The following ANTXRL variants were observed in gnomAD, a reference collection of about 807,000 sequenced individuals.
The protein encoded by ANTXRL is ANTXR like, also known as anthrax toxin receptor-like.
In ANTXRL, 63 loss-of-function variants were observed where a neutral mutation model predicts 75.4. The observed-to-expected ratio is 0.84, with a 90% CI of 0.68 to 1.03. ANTXRL has a LOEUF of 1.03. ANTXRL is among the 50% of genes least tolerant of loss of function. The pLI, the probability that ANTXRL is intolerant of heterozygous loss-of-function variation, is 0.00. For synonymous variants in ANTXRL, 335 were observed against 291.3 expected (o/e 1.15, Z -1.53); for missense variants, 797 against 789.4 (o/e 1.01, Z -0.12).
At chr10:46,291,365 A>G (rs1282919117) in intron 1 of ANTXRL, among the ~76,000 whole-genome samples, 1 of 146,276 alleles carries the variant, frequency 6.8e-6, no homozygotes, top group African/African-American at 2.5e-5. Flanking sequence ...GGAAATGTGT[A>G]TCCTCAATCT....
chr10:46,325,883 C>A (rs1466493499), intron 16 of ANTXRL, among the ~76,000 whole-genome samples: 6 of 152,036 alleles, frequency 3.9e-5, no homozygotes, highest in Non-Finnish European at 1.5e-5. Context: ...CCATCCATTT[C>A]TTAGCTTCAC....
At chr10:46,308,139 G>T (rs112199687) in intron 12 of ANTXRL, among the ~76,000 whole-genome samples, 4,776 of 152,224 alleles carry the variant, frequency 0.031, 271 homozygotes, top group African/African-American at 0.11. Flanking sequence ...CCACTGCCTT[G>T]TACCCAGTCT....
rs1554964020 is a variant in ANTXRL, at chr10:46,313,333, G to A, written c.1410+17G>A. 1.3e-6 allele frequency: 2 copies of A among 1,534,868 alleles called. No homozygotes were observed. Among genetic ancestry groups the A allele is most frequent in the African/African-American group, 1.4e-5 (1 of 72,988 alleles). Reference sequence around the variant, plus strand: ...AGGGACCAGGTGAGCTAGGGCACAGGGACACAGTTGATGGACAAAAGGCCA... The same window carrying A: ...AGGGACCAGGTGAGCTAGGGCACAGAGACACAGTTGATGGACAAAAGGCCA... On this transcript the variant is annotated intron_variant, in intron 16 of 16. Transcript: ENST00000620264.
chr10:46,310,346 C>G, intron 13 of ANTXRL, 115 bp from the exon 14 acceptor site: 9 of 1,010,922 alleles, frequency 8.9e-6, no homozygotes, highest in Non-Finnish European at 1.3e-5. Flanking sequence ...GAGTGACACC[C>G]CAAAGGCAGT....
At chr10:46,320,939 A>G (rs151033944) in intron 16 of ANTXRL, among the ~76,000 whole-genome samples, 2 of 152,322 alleles carry the variant, frequency 1.3e-5, no homozygotes, top group African/African-American at 2.4e-5. Context: ...GAAGCCAAAT[A>G]TACCTTTTGC....
rs1554958530 is a variant in ANTXRL at position 46,296,057 on chromosome 10, T to C, written c.431T>C (p.Ile144Thr). The C allele has an allele frequency of 6.5e-7, 1 of 1,535,904 alleles. No individual in the cohort carries two copies. Among genetic ancestry groups the C allele is most frequent in the East Asian group, 2.4e-5 (1 of 40,918 alleles). ...AACGGTCTTGACCAACTTCAGAAAA[T>C]TGTGCCTGACGGTCACACATTCATG... The part of the protein sequence containing the change: ...IKNGLDQLQK[I>T]VPDGHTFMQA... The change falls in exon 4 of 17, where the codon ATT (isoleucine) becomes ACT (threonine). Residue 144 changes from isoleucine to threonine, a missense_variant. Ile to Thr is a moderately conservative substitution (Grantham distance 89). This residue lies in a region of ANTXRL where 262 missense variants were observed against 271.9 expected (regional missense o/e 0.96). Transcript: ENST00000620264.
chr10:46,311,790 T>C (rs1296684572), intron 15 of ANTXRL, 125 bp downstream of exon 15: 8 of 564,276 alleles, frequency 1.4e-5, no homozygotes, highest in Admixed American at 3.3e-5. Context: ...GGCTGGACTT[T>C]GGACACTTGA....
intron 14 of ANTXRL, 60 bp from the exon 15 acceptor site, chr10:46,311,450 G>A (rs1236210674): frequency 5.5e-6 from 8 of 1,448,322 alleles, no homozygotes; most frequent in Non-Finnish European, 7.3e-6. Flanking sequence ...ACACATCTGG[G>A]AGTGGCCAGC....
At chr10:46,303,770 G>A (rs540271144) in intron 10 of ANTXRL, among the ~76,000 whole-genome samples, 32 of 152,212 alleles carry the variant, frequency 2.1e-4, no homozygotes, top group Admixed American at 3.9e-4. Flanking sequence ...CTGAGGAAGC[G>A]CATAGTCCAG....
intron 9 of ANTXRL, among the ~76,000 whole-genome samples, chr10:46,299,772 C>G (rs1489071230): frequency 6.6e-6 from 1 of 152,282 alleles, no homozygotes; most frequent in South Asian, 2.1e-4. Flanking sequence ...TCAGGCCTCT[C>G]GTGAGTCCAA....
Position 46,287,423 on chromosome 10 carries a change from A to G in ANTXRL, c.161A>G (p.His54Arg), listed in dbSNP as rs375971550. The G allele has an allele frequency of 3.1e-4, 474 of 1,535,798 alleles. 5 individuals are homozygous for G. The African/African-American group carries it at 5.3e-3, about 17-fold the overall frequency. ...ALGSRRAHHH[H>R]GPGWRQHWRQ... The stretch of plus-strand genomic sequence containing the variant: ...GGCTCCAGGAGAGCCCACCACCACC[A>G]TGGCCCAGGATGGAGGCAGCACTGG... Residue 54 changes from histidine (H) to arginine (R), a missense_variant, in exon 1 of 17, where the codon CAT becomes CGT. Around this residue, in one of 3 missense-constraint regions of ANTXRL, gnomAD observed 262 missense variants for 271.9 expected, o/e 0.96. Coordinates refer to ENST00000620264, the MANE Select transcript of ANTXRL (RefSeq NM_001278688.3).
chr10:46,305,948 G>A (rs1353659271), intron 10 of ANTXRL, among the ~76,000 whole-genome samples: 18 of 152,136 alleles, frequency 1.2e-4, no homozygotes, highest in Non-Finnish European at 2.6e-4. Flanking sequence ...AGCAAGTCCT[G>A]TTGCCTCCAT....
intron 10 of ANTXRL, among the ~76,000 whole-genome samples, chr10:46,304,836 G>A (rs1837974271): frequency 6.6e-6 from 1 of 152,074 alleles, no homozygotes; most frequent in Admixed American, 6.6e-5. Flanking sequence ...GGGAAAGGGG[G>A]TACCCAGCCT....
At position 46,311,534 on chromosome 10, in the gene ANTXRL, TCACCACCACCACCGCCTCCGCCTC is replaced by T; in HGVS notation, c.1206_1229del (p.Pro404_Pro411del). ...GGAGCCAGAGCAGGAAAAACCACCA[TCACCACCACCACCGCCTCCGCCTC>T]CACCACCTCCACTCCCGCCTCCGCC... is the stretch of plus-strand genomic sequence containing the variant. On this transcript the variant is annotated inframe_deletion, in exon 15 of 17. Transcript: ENST00000620264. 6.5e-7 allele frequency: 1 copy of T among 1,533,716 alleles called. No homozygotes were observed. Among genetic ancestry groups the T allele is most frequent in the Non-Finnish European group, 8.7e-7 (1 of 1,145,742 alleles).
chr10:46,296,049 TC>T lies in ANTXRL; in HGVS notation c.424del (p.Gln142ArgfsTer34), dbSNP rs1554958526. The T allele has an allele frequency of 6.5e-7, 1 of 1,535,918 alleles. No individual in the cohort carries two copies. Among genetic ancestry groups the T allele is most frequent in the South Asian group, 1.2e-5 (1 of 84,036 alleles). On this transcript the variant is annotated frameshift_variant, in exon 4 of 17. Coordinates refer to ENST00000620264, the MANE Select transcript of ANTXRL (RefSeq NM_001278688.3). LOFTEE classifies it high-confidence loss of function. ...GAATAAAAAACGGTCTTGACCAACTTCAGAAAATTGTGCCTGACGGTCACAC... is the reference window on the plus strand; with the variant it reads ...GAATAAAAAACGGTCTTGACCAACTTAGAAAATTGTGCCTGACGGTCACAC... ...NRIKNGLDQL[Q>X]KIVPDGHTFM...
chr10:46,308,666 G>A lies in ANTXRL; in HGVS notation c.1045-447G>A, dbSNP rs1314780576. ...GAGGGCGGCTCATTCCCTTTGCACA[G>A]GTGTGGAGGCTGAGGCTCAGAGCAG... On this transcript the variant is annotated intron_variant, in intron 12 of 16. Coordinates refer to ENST00000620264, the MANE Select transcript of ANTXRL (RefSeq NM_001278688.3). The A allele has an allele frequency of 1.2e-5, 4 of 346,964 alleles. No homozygotes were observed. The Admixed American group carries it at 1.6e-4, about 14-fold the overall frequency. The allele number at this position is 346,964 out of a possible 1,614,324, so 21.5% of individuals were successfully genotyped here.
intron 15 of ANTXRL, 57 bp downstream of exon 15, chr10:46,311,722 G>A: frequency 1.4e-6 from 1 of 706,172 alleles, no homozygotes; most frequent in Non-Finnish European, 2.5e-6. Context: ...GTGGGAGGAG[G>A]GGGCAGATGG....
At chr10:46,306,652 C>T (rs1410502324) in intron 10 of ANTXRL, 151 bp from the exon 11 acceptor site, 12 of 563,866 alleles carry the variant, frequency 2.1e-5, no homozygotes, top group African/African-American at 5.8e-5. Context: ...CTGGGTGTGG[C>T]GGGTGCTTGC....
chr10:46,298,038 G>A lies in ANTXRL; in HGVS notation c.772G>A (p.Glu258Lys). 1 of 1,535,940 alleles carries A rather than the reference G, an allele frequency of 6.5e-7. No homozygotes were observed. ...SKVCLDVTSVEPSSECVGEPY... is the reference protein window; with the variant it reads ...SKVCLDVTSVKPSSECVGEPY... ...GGTCTGTCTTGATGTGACATCGGTG[G>A]AGCCTTCCTCTGAGTGTGTAGGAGG... Residue 258 changes from glutamate to lysine, a missense_variant, in exon 9 of 17, where the codon GAG becomes AAG. By Grantham distance (56) the Glu-to-Lys change is moderately conservative. This residue lies in a region of ANTXRL where 56 missense variants were observed against 95.5 expected (regional missense o/e 0.59). Coordinates refer to ENST00000620264, the MANE Select transcript of ANTXRL (RefSeq NM_001278688.3).
Sources: gnomAD v4.1 joint callset for allele counts (sites outside exome capture counted in the v4.1 genomes callset) on GRCh38, gnomAD v4.1.1 for gene constraint, gnomAD v4.1.1 regional missense constraint, MANE v1.5 for transcripts, NCBI Gene and HGNC (gene_info 2026-07-23, HGNC 2026-07-21) for gene names.